The following FAM13C variants were observed in gnomAD, a reference collection of about 807,000 sequenced individuals.
FAM13C encodes the protein protein FAM13C.
A neutral mutation model predicts 73.2 loss-of-function variants in FAM13C; 37 were observed. That is an observed-to-expected ratio of 0.51 (90% confidence interval 0.39 to 0.67). The LOEUF (loss-of-function observed/expected upper bound fraction) is 0.67. Ranked by LOEUF, FAM13C falls within the 30% of genes least tolerant of loss-of-function variation. The probability of loss-of-function intolerance (pLI) is 0.00; values close to 1 mark genes in which losing one functional copy is unlikely to be tolerated. For missense variants in FAM13C, 589 were observed against 715.6 expected (o/e 0.82, Z 2.02); for synonymous variants, 246 against 260.9 (o/e 0.94, Z 0.55).
intron 1 of FAM13C, among the ~76,000 whole-genome samples, chr10:59,360,336 T>A (rs1856238543): frequency 6.6e-6 from 1 of 152,120 alleles, no homozygotes; most frequent in Non-Finnish European, 1.5e-5. Flanking sequence ...ATTTCAGGCA[T>A]CGAAGAAAAT....
intron 3 of FAM13C, among the ~76,000 whole-genome samples, chr10:59,350,942 G>A (rs1854955245): frequency 1.3e-5 from 2 of 152,174 alleles, no homozygotes; most frequent in Non-Finnish European, 2.9e-5. Context: ...GAACTTCCAT[G>A]TCCCCAAAAA....
At chr10:59,277,075 T>C (rs948399031) in intron 6 of FAM13C, among the ~76,000 whole-genome samples, 8 of 152,118 alleles carry the variant, frequency 5.3e-5, no homozygotes, top group Admixed American at 1.3e-4. Flanking sequence ...CAGAACAAGC[T>C]CATAAACCAT....
At chr10:59,297,497 C>G (rs1043962892) in intron 5 of FAM13C, among the ~76,000 whole-genome samples, 1 of 152,162 alleles carries the variant, frequency 6.6e-6, no homozygotes, top group African/African-American at 2.4e-5. Flanking sequence ...ATTCCATGAC[C>G]TGAATATTAT....
chr10:59,251,287 A>G, intron 13 of FAM13C: 1 of 411,922 alleles, frequency 2.4e-6, no homozygotes, highest in South Asian at 1.0e-4. Flanking sequence ...AGGTTTAAAT[A>G]AATTCATTTA....
intron 4 of FAM13C, among the ~76,000 whole-genome samples, chr10:59,305,241 C>T (rs1178249556): frequency 1.3e-5 from 2 of 152,178 alleles, no homozygotes; most frequent in East Asian, 3.9e-4. Context: ...CAAACAAAAA[C>T]AAAATACACA....
intron 6 of FAM13C, among the ~76,000 whole-genome samples, chr10:59,274,751 T>C (rs1844136791): frequency 6.6e-6 from 1 of 152,208 alleles, no homozygotes; most frequent in Non-Finnish European, 1.5e-5. Context: ...CCAAGGGAAA[T>C]GTCCAATGGA....
chr10:59,267,902 G>A (rs1843242233), intron 8 of FAM13C, among the ~76,000 whole-genome samples: 2 of 152,112 alleles, frequency 1.3e-5, no homozygotes, highest in South Asian at 4.2e-4. Flanking sequence ...GAAAATAAAA[G>A]CAACACTGAC....
chr10:59,277,938 G>A (rs532969679), intron 6 of FAM13C, among the ~76,000 whole-genome samples: 12 of 152,242 alleles, frequency 7.9e-5, no homozygotes, highest in East Asian at 7.7e-4. Context: ...GTATTAGTTC[G>A]TTTTCATGTT....
At position 59,281,049 on chromosome 10, in the gene FAM13C, A is replaced by G. The variant is rs191192647; in HGVS notation, c.592+2314T>C. On this transcript the variant is annotated intron_variant, in intron 6 of 13. Transcript: ENST00000618804. ...AATTACTAATTGAATTTTTATAACA[A>G]TTATGATTTGAATATTTGTATACAT... is the stretch of plus-strand genomic sequence containing the variant. Among the ~76,000 whole-genome samples, 70 of 152,320 alleles carry G rather than the reference A, an allele frequency of 4.6e-4. No individual in the cohort carries two copies. In the East Asian group the frequency reaches 0.013, roughly 28 times the overall value.
chr10:59,323,762 A>C (rs1247367831), intron 4 of FAM13C, among the ~76,000 whole-genome samples: 2 of 152,170 alleles, frequency 1.3e-5, no homozygotes, highest in Non-Finnish European at 2.9e-5. Context: ...CCTGAGCCTT[A>C]AGGTAGATTA....
intron 5 of FAM13C, among the ~76,000 whole-genome samples, chr10:59,291,249 G>A (rs1846187444): frequency 6.6e-6 from 1 of 152,172 alleles, no homozygotes. Context: ...AAGCAAGAAG[G>A]TATTGCTTCC....
In FAM13C at chr10:59,352,390, C is replaced by G. The variant is rs1316138851; in HGVS notation, c.204G>C (p.Gln68His). Reference sequence around the variant, plus strand: ...CCACCAGCACGGTCGCCTCTACATTCTGCTGCTGCGGCTCCCAAGAGGGCG... The same window carrying G: ...CCACCAGCACGGTCGCCTCTACATTGTGCTGCTGCGGCTCCCAAGAGGGCG... ...HAPPSWEPQQ[Q>H]NVEATVLVDS... The change falls in exon 3 of 14, where the codon CAG (glutamine) becomes CAC (histidine). Residue 68 changes from glutamine to histidine, a missense_variant. Coordinates refer to ENST00000618804, the MANE Select transcript of FAM13C (RefSeq NM_198215.4). 4 of 1,614,016 alleles carry G rather than the reference C, an allele frequency of 2.5e-6. No homozygotes were observed. Among genetic ancestry groups the G allele is most frequent in the Middle Eastern group, 1.6e-4 (1 of 6,082 alleles).
chr10:59,316,476 C>A (rs768858653), intron 4 of FAM13C, among the ~76,000 whole-genome samples: 10 of 152,150 alleles, frequency 6.6e-5, no homozygotes, highest in Non-Finnish European at 1.2e-4. Context: ...GAAATAGAGT[C>A]ATGTATCCCT....
chr10:59,324,587 A>C (rs1226004930), intron 3 of FAM13C, among the ~76,000 whole-genome samples: 4 of 152,146 alleles, frequency 2.6e-5, no homozygotes, highest in Non-Finnish European at 5.9e-5. Context: ...TAATTCTGAG[A>C]CATCATGTTT....
rs1843513093 is a variant in FAM13C at position 59,269,943 on chromosome 10, G to A, written c.759C>T (p.Asp253=). 6.2e-7 allele frequency: 1 copy of A among 1,613,970 alleles called. No individual in the cohort carries two copies. The highest frequency in any genetic ancestry group is 8.5e-7 in the Non-Finnish European group (1 of 1,179,906). Residue 253 remains aspartate (D), a synonymous_variant, in exon 7 of 14, where the codon GAC becomes GAT. Transcript: ENST00000618804. ...IFSQSQRFNL[D]PESAPSPPST... ...TGGGTGGAGATGGGGCTGACTCGGG[G>A]TCTAAGTTGAATCTCTGGCTTTGGC... is the stretch of plus-strand genomic sequence containing the variant.
chr10:59,329,335 C>T (rs1326112458), intron 3 of FAM13C, among the ~76,000 whole-genome samples: 65 of 82,216 alleles, frequency 7.9e-4, no homozygotes, highest in Non-Finnish European at 1.1e-3. Flanking sequence ...TTTTTTCTTT[C>T]TTTCTGGTTT....
intron 7 of FAM13C, 143 bp from the exon 8 acceptor site, chr10:59,268,834 T>C: frequency 1.1e-6 from 1 of 947,674 alleles, no homozygotes; most frequent in East Asian, 2.7e-5. Flanking sequence ...CATGGTAGCA[T>C]CTGCTCATTA....
chr10:59,249,739 G>A (rs1359736244), intron 13 of FAM13C, among the ~76,000 whole-genome samples: 5 of 152,158 alleles, frequency 3.3e-5, no homozygotes, highest in African/African-American at 1.2e-4. Context: ...TTTGATTTTA[G>A]TTGTAAAAGA....
intron 2 of FAM13C, among the ~76,000 whole-genome samples, chr10:59,355,177 C>A (rs973639382): frequency 2.0e-5 from 3 of 152,062 alleles, no homozygotes; most frequent in Non-Finnish European, 4.4e-5. Flanking sequence ...TATATTCTAG[C>A]CTATCTCCTC....
Sources: allele counts gnomAD v4.1 joint callset (sites outside exome capture counted in the v4.1 genomes callset), GRCh38; gene constraint gnomAD v4.1.1; transcripts MANE v1.5; gene names NCBI Gene and HGNC (gene_info 2026-07-23, HGNC 2026-07-21).